PRDM16: variants seen among roughly 807,000 people sequenced by gnomAD.
The protein encoded by PRDM16 is PR/SET domain 16, also known as histone-lysine N-methyltransferase PRDM16.
A neutral mutation model predicts 110.6 loss-of-function variants in PRDM16; 23 were observed. The ratio of observed to expected loss-of-function variants is 0.21; its 90% CI spans 0.15 to 0.29. The LOEUF (loss-of-function observed/expected upper bound fraction) is 0.29, where lower values mean the gene tolerates loss of function less well. PRDM16 is among the 10% of genes least tolerant of loss of function. The pLI, the probability that PRDM16 is intolerant of heterozygous loss-of-function variation, is 1.00. For missense variants in PRDM16, 1,615 were observed against 1,794.3 expected, an observed-to-expected ratio of 0.90 and a Z score of 1.81; for synonymous variants, 799 against 781.8, an observed-to-expected ratio of 1.02 and a Z score of -0.37.
intron 1 of PRDM16, among the ~76,000 whole-genome samples, chr1:3,180,918 C>A (rs983367140): frequency 1.4e-5 from 2 of 140,276 alleles, no homozygotes; most frequent in Admixed American, 7.1e-5. Context: ...TTACACGCAG[C>A]CTTACACACG....
intron 1 of PRDM16, among the ~76,000 whole-genome samples, chr1:3,172,582 G>A (rs753861937): frequency 3.3e-5 from 5 of 152,176 alleles, no homozygotes; most frequent in Non-Finnish European, 7.4e-5. Context: ...ACAAGCCAAA[G>A]GCGGCACCCA....
intron 3 of PRDM16, among the ~76,000 whole-genome samples, chr1:3,372,235 G>A (rs1213983888): frequency 3.9e-5 from 6 of 152,244 alleles, no homozygotes; most frequent in Non-Finnish European, 7.3e-5. Flanking sequence ...GCTGCCACAC[G>A]TGGGGGCTTT....
chr1:3,315,379 T>A (rs1641578281), intron 3 of PRDM16, among the ~76,000 whole-genome samples: 1 of 152,174 alleles, frequency 6.6e-6, no homozygotes, highest in Non-Finnish European at 1.5e-5. Flanking sequence ...ATTTTAAAGT[T>A]TGCCTGAATT....
At chr1:3,331,357 A>G (rs1394145528) in intron 3 of PRDM16, among the ~76,000 whole-genome samples, 2 of 152,060 alleles carry the variant, frequency 1.3e-5, no homozygotes, top group Non-Finnish European at 2.9e-5. Context: ...CCCCGAGTCC[A>G]TTGATGAATG....
rs1000696629 is a variant in PRDM16 at position 3,190,201 on chromosome 1, T to A, written c.387+3727T>A. Among the ~76,000 whole-genome samples the A allele has an allele frequency of 1.4e-5, 2 of 145,780 alleles. No homozygotes were observed. Among genetic ancestry groups the A allele is most frequent in the Non-Finnish European group, 3.0e-5 (2 of 67,250 alleles). ...TTACTTCAAGGTCGTGGGGCAGCGT[T>A]ACTTCAAGGTCGTGGGGCAGCCTTA... On this transcript the variant is annotated intron_variant, in intron 2 of 16. Transcript: ENST00000270722. This position sits in a 1 kb window ranked among gnomAD's most constrained non-coding sequence, Gnocchi z 5.0.
chr1:3,233,391 T>A lies in PRDM16; in HGVS notation c.388-10696T>A, dbSNP rs77215930. Reference sequence around the variant, plus strand: ...TGGCAGAGTTTGGTGTTGGTTTAAGTGATTGGGGGAAGGCACAGCGCACCC... The same window carrying A: ...TGGCAGAGTTTGGTGTTGGTTTAAGAGATTGGGGGAAGGCACAGCGCACCC... On this transcript the variant is annotated intron_variant, in intron 2 of 16. Transcript: ENST00000270722. Among the ~76,000 whole-genome samples, 732 of 152,100 alleles carry A rather than the reference T, an allele frequency of 4.8e-3. 3 individuals are homozygous for A. The highest frequency in any genetic ancestry group is 0.016 in the African/African-American group (660 of 41,488).
At chr1:3,422,043 G>A (rs1569761564) in intron 12 of PRDM16, among the ~76,000 whole-genome samples, 3 of 150,310 alleles carry the variant, frequency 2.0e-5, no homozygotes, top group South Asian at 4.2e-4. Flanking sequence ...TAGATGGACA[G>A]ATGGATGGAC....
chr1:3,153,880 A>G lies in PRDM16; in HGVS notation c.38-32245A>G, dbSNP rs113135932. ...TAACATGCAGCACTTGTCTTACAAAATGCAAATTAATACGTGCATATCTAC... is the reference window on the plus strand; with the variant it reads ...TAACATGCAGCACTTGTCTTACAAAGTGCAAATTAATACGTGCATATCTAC... On this transcript the variant is annotated intron_variant, in intron 1 of 16. Transcript: ENST00000270722. Among the ~76,000 whole-genome samples, 637 of 152,374 alleles carry G rather than the reference A, an allele frequency of 4.2e-3. 8 individuals carry two copies. The highest frequency in any genetic ancestry group is 0.015 in the African/African-American group (613 of 41,590).
rs532959998 is a variant in PRDM16 at position 3,245,458 on chromosome 1, A to T, written c.438+1321A>T. Among the ~76,000 whole-genome samples, 1 of 152,278 alleles carries T rather than the reference A, an allele frequency of 6.6e-6. No individual in the cohort carries two copies. The highest frequency in any genetic ancestry group is 2.1e-4 in the South Asian group (1 of 4,822). ...CATTGATTTTGGAGAAAGCATGGCAATGGAGACTTTTGCTGGGCCCGCAGT... is the reference window on the plus strand; with the variant it reads ...CATTGATTTTGGAGAAAGCATGGCATTGGAGACTTTTGCTGGGCCCGCAGT... On this transcript the variant is annotated intron_variant, in intron 3 of 16. Transcript: ENST00000270722. The surrounding 1 kb of genome is among the most constrained non-coding windows in gnomAD (Gnocchi z 4.7).
At chr1:3,271,337 C>T (rs886504611) in intron 3 of PRDM16, among the ~76,000 whole-genome samples, 2 of 152,158 alleles carry the variant, frequency 1.3e-5, no homozygotes, top group Admixed American at 1.3e-4. Context: ...TCCTGAAAGA[C>T]CCTTTTCTTC....
chr1:3,186,548 G>A (rs1393737320), intron 2 of PRDM16, 74 bp downstream of exon 2: 4 of 1,036,528 alleles, frequency 3.9e-6, no homozygotes, highest in South Asian at 3.4e-5. Flanking sequence ...AAGCCGGGCT[G>A]AGCAGCCACT....
chr1:3,288,579 G>T (rs1238389120), intron 3 of PRDM16, among the ~76,000 whole-genome samples: 1 of 152,154 alleles, frequency 6.6e-6, no homozygotes, highest in East Asian at 1.9e-4. Flanking sequence ...CCAAGCGGGG[G>T]ACCAATGCCT....
rs1553180122 is a variant in PRDM16 at position 3,430,953 on chromosome 1, CGACGATGACCTGGAGGAG to C, written c.3375_3392del (p.Asp1125_Asp1130del). 1 of 1,613,338 alleles carries C rather than the reference CGACGATGACCTGGAGGAG, an allele frequency of 6.2e-7. No individual in the cohort carries two copies. Among genetic ancestry groups the C allele is most frequent in the Non-Finnish European group, 8.5e-7 (1 of 1,179,662 alleles). On this transcript the variant is annotated inframe_deletion, in exon 15 of 17. Coordinates refer to ENST00000270722, the MANE Select transcript of PRDM16 (RefSeq NM_022114.4). ...AGCAGGAGGACGTGGAGGAGGAGGA[CGACGATGACCTGGAGGAG>C]GACGATGAGGACAGCCTGGCCGGGA...
chr1:3,405,712 G>A (rs1211564400), intron 8 of PRDM16, 64 bp downstream of exon 8: 7 of 1,465,384 alleles, frequency 4.8e-6, no homozygotes, highest in African/African-American at 4.3e-5. Flanking sequence ...CGGTCGGGCC[G>A]AGGTGGGCCA....
At chr1:3,396,307 G>T in intron 4 of PRDM16, 184 bp from the exon 5 acceptor site, 1 of 674,892 alleles carries the variant, frequency 1.5e-6, no homozygotes, top group East Asian at 2.9e-5. Context: ...AAATTAAAAG[G>T]GGACGCAATT....
Position 3,436,016 on chromosome 1 carries a change from G to C in PRDM16, c.*2205G>C, listed in dbSNP as rs556539919. On this transcript the variant is annotated 3_prime_UTR_variant, in exon 17 of 17. Transcript: ENST00000270722. ...GGATCCAGGATCTGCAAACACAACTGCTCAGGCCTTCTCACGCGTTTCCAC... is the reference window on the plus strand; with the variant it reads ...GGATCCAGGATCTGCAAACACAACTCCTCAGGCCTTCTCACGCGTTTCCAC... The C allele has an allele frequency of 4.3e-6, 1 of 230,004 alleles. No homozygotes were observed. Among genetic ancestry groups the C allele is most frequent in the Non-Finnish European group, 8.6e-6 (1 of 116,054 alleles). 14.2% of individuals were successfully genotyped at this position (230,004 alleles called of 1,614,324 possible).
chr1:3,294,681 C>T (rs10047257), intron 3 of PRDM16, among the ~76,000 whole-genome samples: 10,698 of 152,220 alleles, frequency 0.07, 536 homozygotes, highest in East Asian at 0.24. Context: ...CCAGGCCTCG[C>T]GGGCTGGGCT....
In PRDM16 at chr1:3,175,130, G is replaced by A. The variant is rs1352161200; in HGVS notation, c.38-10995G>A. ...TTGTCTCAAAGCCAAGATCCAGGGC[G>A]AGGGGAGAAGCTATTGCCTTTACCG... On this transcript the variant is annotated intron_variant, in intron 1 of 16. Transcript: ENST00000270722. The surrounding 1 kb of genome is among the most constrained non-coding windows in gnomAD (Gnocchi z 4.8). Among the ~76,000 whole-genome samples, 3 of 152,204 alleles carry A rather than the reference G, an allele frequency of 2.0e-5. No homozygotes were observed. Among genetic ancestry groups the A allele is most frequent in the African/African-American group, 7.2e-5 (3 of 41,454 alleles).
rs1021866242 is a variant in PRDM16, at chr1:3,437,585, T to G, written c.*3774T>G. Reference sequence around the variant, plus strand: ...CATAGCTGCTCCTGGTCAGTGGAGGTCAGCCGGGTATCAAAAGCCATGAAA... The same window carrying G: ...CATAGCTGCTCCTGGTCAGTGGAGGGCAGCCGGGTATCAAAAGCCATGAAA... On this transcript the variant is annotated 3_prime_UTR_variant, in exon 17 of 17. Coordinates refer to ENST00000270722, the MANE Select transcript of PRDM16 (RefSeq NM_022114.4). 4.4e-6 allele frequency: 1 copy of G among 228,348 alleles called. No homozygotes were observed. The highest frequency in any genetic ancestry group is 2.2e-5 in the African/African-American group (1 of 44,888). 14.1% of individuals were successfully genotyped at this position (228,348 alleles called of 1,614,324 possible).
Sources: gnomAD v4.1 joint callset for allele counts (sites outside exome capture counted in the v4.1 genomes callset) on GRCh38, gnomAD v4.1.1 for gene constraint, Gnocchi (gnomAD v3.1) non-coding constraint, MANE v1.5 for transcripts, NCBI Gene and HGNC (gene_info 2026-07-23, HGNC 2026-07-21) for gene names.